The following AADAT variants were observed in gnomAD, a reference collection of about 807,000 sequenced individuals.
AADAT encodes aminoadipate aminotransferase.
A neutral mutation model predicts 56.2 loss-of-function variants in AADAT; 25 were observed. The ratio of observed to expected loss-of-function variants is 0.44; its 90% CI spans 0.32 to 0.62. The LOEUF (loss-of-function observed/expected upper bound fraction) is 0.62, where lower values mean the gene tolerates loss of function less well. Ranked by LOEUF, AADAT falls within the 20% of genes least tolerant of loss-of-function variation. AADAT has a pLI of 0.04. For missense variants in AADAT, 387 were observed against 510.5 expected, an observed-to-expected ratio of 0.76 and a Z score of 2.33; for synonymous variants, 173 against 164.7, an observed-to-expected ratio of 1.05 and a Z score of -0.39.
chr4:170,061,070 G>T, intron 12 of AADAT, 101 bp from the exon 13 acceptor site: 1 of 787,984 alleles, frequency 1.3e-6, no homozygotes, highest in East Asian at 3.1e-5. Context: ...TCTGTCTAAG[G>T]TTGAGAGAAG....
At chr4:170,091,955 A>G (rs545218403), upstream of AADAT, among the ~76,000 whole-genome samples, 7 of 152,356 alleles carry the variant, frequency 4.6e-5, no homozygotes, top group African/African-American at 1.4e-4. Flanking sequence ...AAATACACCA[A>G]TTAGCACTCT....
chr4:170,068,771 A>T, intron 7 of AADAT, 84 bp from the exon 8 acceptor site: 2 of 868,086 alleles, frequency 2.3e-6, no homozygotes, highest in Non-Finnish European at 3.6e-6. Flanking sequence ...TAGACAGACA[A>T]TTGTGACCTG....
intron 10 of AADAT, among the ~76,000 whole-genome samples, chr4:170,066,076 A>G (rs887234144): frequency 2.6e-5 from 4 of 152,206 alleles, no homozygotes; most frequent in Non-Finnish European, 5.9e-5. Context: ...TTAGAGAAGC[A>G]TGGTTTGACA....
chr4:170,079,022 T>C (rs935730649), intron 3 of AADAT, among the ~76,000 whole-genome samples: 3 of 152,126 alleles, frequency 2.0e-5, no homozygotes, highest in African/African-American at 7.2e-5. Context: ...GTGTCAGAGA[T>C]AAAATAGCAA....
intron 3 of AADAT, among the ~76,000 whole-genome samples, chr4:170,081,348 G>C (rs1430453011): frequency 6.6e-6 from 1 of 152,156 alleles, no homozygotes; most frequent in Non-Finnish European, 1.5e-5. Flanking sequence ...TCAGTGGTCT[G>C]CAAGAGGAAG....
At chr4:170,090,350 C>CGGAG (rs1561027687), upstream of AADAT, 2 of 152,350 alleles carry the variant, frequency 1.3e-5, no homozygotes, top group Non-Finnish European at 2.9e-5. Context: ...CCCGCGCGCT[C>CGGAG]CGCTGGCCTC....
intron 6 of AADAT, among the ~76,000 whole-genome samples, chr4:170,070,291 G>T (rs909007387): frequency 9.9e-5 from 15 of 151,810 alleles, no homozygotes; most frequent in African/African-American, 3.6e-4. Context: ...AGTTTAAGAC[G>T]TCCATCAGCC....
chr4:170,066,925 A>G (rs1402896842), intron 9 of AADAT, among the ~76,000 whole-genome samples: 1 of 152,228 alleles, frequency 6.6e-6, no homozygotes, highest in Non-Finnish European at 1.5e-5. Context: ...TTGTACCAAT[A>G]TACAGACTAT....
Position 170,070,373 on chromosome 4 carries a change from G to A in AADAT, c.720+214C>T, listed in dbSNP as rs1731699052. 3.4e-5 allele frequency: 14 copies of A among 405,894 alleles called. No individual in the cohort carries two copies. In the South Asian group the frequency reaches 4.9e-4, roughly 14 times the overall value. The allele number at this position is 405,894 out of a possible 1,614,324, so 25.1% of individuals were successfully genotyped here. A position where few individuals can be genotyped will look rare whatever the true frequency, so the allele number is the denominator to read the frequency against. ...CTATTTTGAAGGTAAGTAATTTCTGGAAAGAGCAGTAATACCAAAAAAGAA... is the reference window on the plus strand; with the variant it reads ...CTATTTTGAAGGTAAGTAATTTCTGAAAAGAGCAGTAATACCAAAAAAGAA... On this transcript the variant is annotated intron_variant, in intron 6 of 12. Transcript: ENST00000337664.
At chr4:170,066,779 G>GT (rs1013128763) in intron 9 of AADAT, among the ~76,000 whole-genome samples, 2 of 152,048 alleles carry the variant, frequency 1.3e-5, no homozygotes, top group African/African-American at 4.8e-5. Context: ...CTAAATACTG[G>GT]TTCTCATCAC....
At chr4:170,086,009 C>T (rs1732542789) in intron 3 of AADAT, among the ~76,000 whole-genome samples, 1 of 151,422 alleles carries the variant, frequency 6.6e-6, no homozygotes, top group African/African-American at 2.4e-5. Context: ...GAAAATATAC[C>T]AGCACTTTGG....
At chr4:170,091,105 C>A (rs997443118), upstream of AADAT, among the ~76,000 whole-genome samples, 2 of 152,238 alleles carry the variant, frequency 1.3e-5, no homozygotes, top group Non-Finnish European at 2.9e-5. Flanking sequence ...TTGGCGCCTC[C>A]TCGGCCTCAG....
chr4:170,073,094 G>T (rs746324915), intron 5 of AADAT, 42 bp downstream of exon 5: 1 of 1,586,274 alleles, frequency 6.3e-7, no homozygotes, highest in Non-Finnish European at 8.6e-7. Flanking sequence ...AAGTCACAGA[G>T]AAACAGGAAC....
At chr4:170,074,335 T>C (rs905704343) in intron 4 of AADAT, among the ~76,000 whole-genome samples, 2 of 151,928 alleles carry the variant, frequency 1.3e-5, no homozygotes, top group African/African-American at 4.8e-5. Flanking sequence ...CAATAGGTAG[T>C]TTTTCAAGCC....
intron 3 of AADAT, among the ~76,000 whole-genome samples, chr4:170,084,199 T>C (rs1433482437): frequency 6.6e-6 from 1 of 151,984 alleles, no homozygotes; most frequent in Non-Finnish European, 1.5e-5. Flanking sequence ...CTCATAAGGA[T>C]AGAGAGTAGA....
At position 170,087,206 on chromosome 4, in the gene AADAT, T is replaced by C; in HGVS notation, c.279A>G (p.Lys93=). The change falls in exon 3 of 13, where the codon AAA becomes AAG. Residue 93 remains lysine (K), a synonymous_variant. Transcript: ENST00000337664. ...LLSWLKQLQI[K]LHNPPTIHYP... is the part of the protein sequence containing the mutation. ...AATGGATGGTAGGAGGATTATGCAA[T>C]TTTATTTGTAACTGTTTTAGCCAGG... 2 of 1,614,122 alleles carry C rather than the reference T, an allele frequency of 1.2e-6. No individual in the cohort carries two copies. Among genetic ancestry groups the C allele is most frequent in the Non-Finnish European group, 1.7e-6 (2 of 1,179,994 alleles).
intron 3 of AADAT, among the ~76,000 whole-genome samples, chr4:170,083,057 AC>A (rs1003978504): frequency 2.0e-5 from 3 of 150,748 alleles, no homozygotes; most frequent in African/African-American, 7.3e-5. Flanking sequence ...GTAGACAGTT[AC>A]AAAAATATTC....
intron 10 of AADAT, among the ~76,000 whole-genome samples, chr4:170,065,654 T>G (rs1731422149): frequency 6.6e-6 from 1 of 152,102 alleles, no homozygotes; most frequent in South Asian, 2.1e-4. Context: ...GTGCCCGCCA[T>G]CACGCCCAGC....
chr4:170,063,905 C>T (rs1225376982), intron 11 of AADAT, among the ~76,000 whole-genome samples: 2 of 151,746 alleles, frequency 1.3e-5, no homozygotes, highest in African/African-American at 2.4e-5. Context: ...TTTCAGCTTA[C>T]TTGATGCCTC....
Sources: gnomAD v4.1 joint callset for allele counts (sites outside exome capture counted in the v4.1 genomes callset) on GRCh38, gnomAD v4.1.1 for gene constraint, MANE v1.5 for transcripts, NCBI Gene and HGNC (gene_info 2026-07-23, HGNC 2026-07-21) for gene names.